GRIK3: variants seen among roughly 807,000 people sequenced by gnomAD.
The protein encoded by GRIK3 is glutamate ionotropic receptor kainate type subunit 3.
GRIK3 carries 29 observed loss-of-function variants against 102.5 expected under a neutral mutation model. That is an observed-to-expected ratio of 0.28 (90% CI 0.21 to 0.39). The LOEUF (loss-of-function observed/expected upper bound fraction) is 0.39. Among genes scored for constraint, GRIK3 ranks in the 10% least tolerant of loss-of-function variants. The pLI is 1.00. For missense variants in GRIK3, 908 were observed against 1,252.4 expected, an observed-to-expected ratio of 0.73 and a Z score of 4.15; for synonymous variants, 511 against 504.9, an observed-to-expected ratio of 1.01 and a Z score of -0.16.
At chr1:36,925,234 A>C (rs948206010) in intron 1 of GRIK3, among the ~76,000 whole-genome samples, 1 of 152,228 alleles carries the variant, frequency 6.6e-6, no homozygotes, top group African/African-American at 2.4e-5. Context: ...ACACATGTGA[A>C]TATTCACAGA....
At chr1:36,919,776 C>A (rs981170304) in intron 1 of GRIK3, among the ~76,000 whole-genome samples, 1 of 152,244 alleles carries the variant, frequency 6.6e-6, no homozygotes, top group East Asian at 1.9e-4. Flanking sequence ...GTGAGCCCTG[C>A]AGTGGAGGAC....
chr1:36,979,392 C>A (rs1642227211), intron 1 of GRIK3, among the ~76,000 whole-genome samples: 1 of 152,238 alleles, frequency 6.6e-6, no homozygotes, highest in Non-Finnish European at 1.5e-5. Flanking sequence ...CTTGACACAA[C>A]CAATTGAGCA....
chr1:36,824,047 G>A (rs1207238357), intron 11 of GRIK3, among the ~76,000 whole-genome samples: 4 of 152,096 alleles, frequency 2.6e-5, no homozygotes, highest in African/African-American at 9.7e-5. Flanking sequence ...CAAAACTCTT[G>A]TCCCTCTCCT....
At chr1:36,979,453 G>A (rs900592870) in intron 1 of GRIK3, among the ~76,000 whole-genome samples, 4 of 152,200 alleles carry the variant, frequency 2.6e-5, no homozygotes, top group African/African-American at 9.6e-5. Context: ...GAATGCTCTC[G>A]ATTTGGAATG....
chr1:36,892,517 A>AC (rs1641129397), intron 1 of GRIK3, among the ~76,000 whole-genome samples: 1 of 151,008 alleles, frequency 6.6e-6, no homozygotes, highest in African/African-American at 2.4e-5. Context: ...GACCAGCACA[A>AC]AAAAAAAAAA....
At position 36,925,402 on chromosome 1, in the gene GRIK3, C is replaced by A. The variant is rs114098335; in HGVS notation, c.116-34306G>T. 1.1e-3 allele frequency among the ~76,000 whole-genome samples: 170 copies of A among 152,380 alleles called. 1 individual carries two copies. Among genetic ancestry groups the A allele is most frequent in the African/African-American group, 3.7e-3 (154 of 41,600 alleles). ...CAATGCCCCAGTGAGCCAGTTCGTGCCCTCGGAGCCTTTCCCCTGAAAGCT... is the reference window on the plus strand; with the variant it reads ...CAATGCCCCAGTGAGCCAGTTCGTGACCTCGGAGCCTTTCCCCTGAAAGCT... On this transcript the variant is annotated intron_variant, in intron 1 of 15. Coordinates refer to ENST00000373091, the MANE Select transcript of GRIK3 (RefSeq NM_000831.4).
At chr1:36,948,017 C>T (rs926972016) in intron 1 of GRIK3, among the ~76,000 whole-genome samples, 4 of 152,290 alleles carry the variant, frequency 2.6e-5, no homozygotes, top group African/African-American at 9.6e-5. Context: ...CACTCCTTAC[C>T]CCTGCCTCAG....
intron 1 of GRIK3, among the ~76,000 whole-genome samples, chr1:36,953,371 C>T (rs1290980153): frequency 2.0e-5 from 3 of 152,154 alleles, no homozygotes; most frequent in Non-Finnish European, 2.9e-5. Flanking sequence ...GAGCCGAGAC[C>T]TGCAGGATAA....
intron 1 of GRIK3, among the ~76,000 whole-genome samples, chr1:36,924,693 G>A (rs368532108): frequency 3.3e-5 from 5 of 152,280 alleles, no homozygotes; most frequent in East Asian, 1.9e-4. Context: ...CACTTCCAGA[G>A]GCCGTGCTCA....
chr1:36,994,698 C>T (rs914190964), intron 1 of GRIK3, among the ~76,000 whole-genome samples: 1 of 152,208 alleles, frequency 6.6e-6, no homozygotes, highest in African/African-American at 2.4e-5. Context: ...TATTGTAGAG[C>T]CTTTATTTTT....
chr1:36,889,444 A>G (rs558577267), intron 2 of GRIK3, among the ~76,000 whole-genome samples: 1 of 152,190 alleles, frequency 6.6e-6, no homozygotes, highest in East Asian at 1.9e-4. Flanking sequence ...GCTAGACTGG[A>G]AAGGCCCTCA....
rs1340353887 is a variant in GRIK3, at chr1:36,914,899, A to AG, written c.116-23804dup. Among the ~76,000 whole-genome samples, 3 of 152,184 alleles carry AG rather than the reference A, an allele frequency of 2.0e-5. No individual in the cohort carries two copies. The East Asian group carries it at 5.8e-4, about 29-fold the overall frequency. On this transcript the variant is annotated intron_variant, in intron 1 of 15. Transcript: ENST00000373091. Reference sequence around the variant, plus strand: ...TCTCACCTGGGCAGGGCACAACAGGAGGGAAGGCTGGGGAACCAATTCATC... The same window carrying AG: ...TCTCACCTGGGCAGGGCACAACAGGAGGGGAAGGCTGGGGAACCAATTCATC...
At chr1:36,865,389 A>G (rs1433910747) in intron 5 of GRIK3, among the ~76,000 whole-genome samples, 1 of 152,140 alleles carries the variant, frequency 6.6e-6, no homozygotes, top group African/African-American at 2.4e-5. Flanking sequence ...TCCTAAAGGG[A>G]AGGAGATAAA....
At chr1:36,854,846 C>T (rs1640632516) in intron 7 of GRIK3, among the ~76,000 whole-genome samples, 1 of 152,204 alleles carries the variant, frequency 6.6e-6, no homozygotes, top group African/African-American at 2.4e-5. Flanking sequence ...ACGCAAGGAT[C>T]ATGGTTCCCA....
At position 36,891,016 on chromosome 1, in the gene GRIK3, TG is replaced by T; in HGVS notation, c.195del (p.Asn65LysfsTer15). On this transcript the variant is annotated frameshift_variant, in exon 2 of 16. Coordinates refer to ENST00000373091, the MANE Select transcript of GRIK3 (RefSeq NM_000831.4). LOFTEE classifies it high-confidence loss of function. ...AEEHAFRFSA[N>X]IINRNRTLLP... ...AGCAGAGTCCTGTTCCTGTTGATGA[TG>T]TTGGCAGAAAATCGAAAGGCATGCT... 6.2e-7 allele frequency: 1 copy of T among 1,614,058 alleles called. No homozygotes were observed. The highest frequency in any genetic ancestry group is 8.5e-7 in the Non-Finnish European group (1 of 1,179,936).
intron 1 of GRIK3, among the ~76,000 whole-genome samples, chr1:37,024,416 C>A (rs568849079): frequency 6.6e-6 from 1 of 151,394 alleles, no homozygotes; most frequent in South Asian, 2.1e-4. Flanking sequence ...TCATTCAATC[C>A]TCACAAAAAC....
chr1:36,828,084 A>C (rs1467302207), intron 10 of GRIK3, among the ~76,000 whole-genome samples: 4 of 151,818 alleles, frequency 2.6e-5, no homozygotes, highest in African/African-American at 9.7e-5. Context: ...AAAAAAAAAA[A>C]AAAACTCTCA....
At chr1:36,966,704 A>G (rs1642082054) in intron 1 of GRIK3, among the ~76,000 whole-genome samples, 1 of 151,532 alleles carries the variant, frequency 6.6e-6, no homozygotes, top group Non-Finnish European at 1.5e-5. Context: ...TCCTTGATGG[A>G]TTTAATCATA....
At chr1:36,941,624 A>G (rs1273463082) in intron 1 of GRIK3, among the ~76,000 whole-genome samples, 1 of 152,214 alleles carries the variant, frequency 6.6e-6, no homozygotes, top group Non-Finnish European at 1.5e-5. Flanking sequence ...TGTGAGAGGC[A>G]GTCAGAAAAG....
Sources: gnomAD v4.1 joint callset for allele counts (sites outside exome capture counted in the v4.1 genomes callset) on GRCh38, gnomAD v4.1.1 for gene constraint, MANE v1.5 for transcripts, NCBI Gene and HGNC (gene_info 2026-07-23, HGNC 2026-07-21) for gene names.